ADAMTS17: variants seen among roughly 807,000 people sequenced by gnomAD.
The protein encoded by ADAMTS17 is A disintegrin and metalloproteinase with thrombospondin motifs 17.
In ADAMTS17, 113 loss-of-function variants were observed where a neutral mutation model predicts 141.5. The ratio of observed to expected loss-of-function variants is 0.80; its 90% CI spans 0.69 to 0.93. The LOEUF is 0.93. ADAMTS17 is among the 40% of genes least tolerant of loss of function. The probability of loss-of-function intolerance (pLI) is 0.00; values close to 1 mark genes in which losing one functional copy is unlikely to be tolerated. For synonymous variants in ADAMTS17, 768 were observed against 630.6 expected (o/e 1.22, Z -3.27); for missense variants, 1,659 against 1,517.9 (o/e 1.09, Z -1.54).
intron 12 of ADAMTS17, among the ~76,000 whole-genome samples, chr15:100,123,357 T>A (rs2037549702): frequency 6.6e-6 from 1 of 151,964 alleles, no homozygotes; most frequent in Admixed American, 6.5e-5. Flanking sequence ...TAAAGAACAG[T>A]TAATATAAGA....
intron 20 of ADAMTS17, 48 bp downstream of exon 20, chr15:99,993,000 G>T: frequency 1.2e-6 from 2 of 1,611,572 alleles, no homozygotes; most frequent in Non-Finnish European, 1.7e-6. Context: ...CGACCCTCGA[G>T]CCCCCTGCAC....
At chr15:100,110,995 G>C (rs908463780) in intron 13 of ADAMTS17, among the ~76,000 whole-genome samples, 2 of 152,184 alleles carry the variant, frequency 1.3e-5, no homozygotes, top group Admixed American at 1.3e-4. Flanking sequence ...GTCTTACAGC[G>C]CTGGAAAGAA....
At position 100,292,257 on chromosome 15, in the gene ADAMTS17, T is replaced by C. The variant is rs118119877; in HGVS notation, c.617-10856A>G. On this transcript the variant is annotated intron_variant, in intron 3 of 21. Coordinates refer to ENST00000268070, the MANE Select transcript of ADAMTS17 (RefSeq NM_139057.4). ...GAGACGCTCACCCCGTGAGAAACTA[T>C]GAGAGACGCTCAGCCCGTGAGAATC... is the stretch of plus-strand genomic sequence containing the variant. Among the ~76,000 whole-genome samples, 528 of 131,516 alleles carry C rather than the reference T, an allele frequency of 4.0e-3. 3 individuals carry two copies. Among genetic ancestry groups the C allele is most frequent in the East Asian group, 0.013 (51 of 3,900 alleles). 86.3% of individuals were successfully genotyped at this position (131,516 alleles called of 152,430 possible).
chr15:100,182,503 A>G (rs888088811), intron 8 of ADAMTS17, among the ~76,000 whole-genome samples: 4 of 152,136 alleles, frequency 2.6e-5, no homozygotes, highest in African/African-American at 9.7e-5. Context: ...AAGCACAGAG[A>G]TTACCTCTCT....
At position 100,324,024 on chromosome 15, in the gene ADAMTS17, CAA is replaced by C. The variant is rs35999702; in HGVS notation, c.616+6863_616+6864del. 1.2e-3 allele frequency among the ~76,000 whole-genome samples: 156 copies of C among 133,080 alleles called. No individual in the cohort carries two copies. In the South Asian group the frequency reaches 0.021, roughly 18 times the overall value. The allele number at this position is 133,080 out of a possible 152,430, so 87.3% of individuals were successfully genotyped here. On this transcript the variant is annotated intron_variant, in intron 3 of 21. Transcript: ENST00000268070. The stretch of plus-strand genomic sequence containing the variant: ...CACATCCGTAAACGTTCCTTTCTCT[CAA>C]AAAAAAAAAAAAAAGAAGAAAGCAT...
chr15:100,102,624 G>C (rs2036185560), intron 14 of ADAMTS17, among the ~76,000 whole-genome samples: 1 of 152,172 alleles, frequency 6.6e-6, no homozygotes, highest in Non-Finnish European at 1.5e-5. Context: ...GACTGAAAGG[G>C]ATCCACATTT....
At chr15:100,115,751 T>C (rs564862138) in intron 13 of ADAMTS17, among the ~76,000 whole-genome samples, 43 of 152,322 alleles carry the variant, frequency 2.8e-4, no homozygotes, top group Admixed American at 2.8e-3. Context: ...ACTTCATTCT[T>C]CTGCAAAACA....
At chr15:100,062,725 C>A (rs1030220935) in intron 15 of ADAMTS17, among the ~76,000 whole-genome samples, 1 of 152,178 alleles carries the variant, frequency 6.6e-6, no homozygotes, top group Non-Finnish European at 1.5e-5. Context: ...CTTACTTTTT[C>A]TTTCTTCAGT....
intron 18 of ADAMTS17, among the ~76,000 whole-genome samples, chr15:100,012,239 T>C (rs528370648): frequency 6.6e-6 from 1 of 152,320 alleles, no homozygotes; most frequent in African/African-American, 2.4e-5. Flanking sequence ...TTTGATGCAA[T>C]TGTTTTTATT....
chr15:100,199,278 G>T (rs780399528), intron 8 of ADAMTS17, 40 bp downstream of exon 8: 1 of 1,557,542 alleles, frequency 6.4e-7, no homozygotes, highest in Non-Finnish European at 8.9e-7. Context: ...ACTCAAAAAG[G>T]ACTGAAAGAA....
intron 7 of ADAMTS17, among the ~76,000 whole-genome samples, chr15:100,231,364 T>C (rs532058821): frequency 6.6e-6 from 1 of 152,312 alleles, no homozygotes; most frequent in African/African-American, 2.4e-5. Context: ...TCTCATTTCA[T>C]TAAAGACAAT....
chr15:100,308,404 C>T lies in ADAMTS17; in HGVS notation c.616+22485G>A, dbSNP rs1403157708. 2.0e-5 allele frequency among the ~76,000 whole-genome samples: 3 copies of T among 152,188 alleles called. No homozygotes were observed. In the East Asian group the frequency reaches 5.8e-4, roughly 29 times the overall value. On this transcript the variant is annotated intron_variant, in intron 3 of 21. Transcript: ENST00000268070. ...CCAAAGATAAAGCAAGCAGGGAACA[C>T]CATCGTTCACTCGCTGGTAGAATCC...
At chr15:100,254,281 T>A in intron 6 of ADAMTS17, 102 bp from the exon 7 acceptor site, 1 of 1,083,766 alleles carries the variant, frequency 9.2e-7, no homozygotes. Context: ...GCAATGTTAT[T>A]TTTCCAGTGG....
chr15:99,997,597 A>G lies in ADAMTS17; in HGVS notation c.2592-8T>C, dbSNP rs776124364. 7 of 1,611,258 alleles carry G rather than the reference A, an allele frequency of 4.3e-6. No homozygotes were observed. In the South Asian group the frequency reaches 7.7e-5, roughly 18 times the overall value. On this transcript the variant is annotated splice_region_variant and splice_polypyrimidine_tract_variant and intron_variant, in intron 18 of 21. Coordinates refer to ENST00000268070, the MANE Select transcript of ADAMTS17 (RefSeq NM_139057.4). The surrounding 1 kb of genome is among the most constrained non-coding windows in gnomAD (Gnocchi z 4.7). ...CACGGGCCTGCCACCCACCTGCCAG[A>G]CGGGAGGAAAGAGAGAGAGAACGAC... is the stretch of plus-strand genomic sequence containing the variant.
At chr15:100,113,023 T>A (rs886752270) in intron 13 of ADAMTS17, among the ~76,000 whole-genome samples, 1 of 152,122 alleles carries the variant, frequency 6.6e-6, no homozygotes, top group African/African-American at 2.4e-5. Flanking sequence ...TCATCCAAGT[T>A]CTCCCTGGTC....
chr15:100,145,894 C>T (rs1217072420), intron 10 of ADAMTS17, among the ~76,000 whole-genome samples: 7 of 152,262 alleles, frequency 4.6e-5, no homozygotes, highest in South Asian at 2.1e-4. Context: ...TATTCCAGGC[C>T]GGGTACAGTG....
rs368597566 is a variant in ADAMTS17, at chr15:99,986,697, G to C, written c.2949+6351C>G. Among the ~76,000 whole-genome samples the C allele has an allele frequency of 1.6e-4, 24 of 152,162 alleles. No homozygotes were observed. In the East Asian group the frequency reaches 2.9e-3, roughly 18 times the overall value. ...TCCCTCCAGAATGTGTTTTTCATTG[G>C]AAACATCCCATCATTTCAGTGGTGA... On this transcript the variant is annotated intron_variant, in intron 20 of 21. Transcript: ENST00000268070.
chr15:100,084,969 A>C (rs753299993), intron 15 of ADAMTS17, among the ~76,000 whole-genome samples: 1 of 152,232 alleles, frequency 6.6e-6, no homozygotes, highest in Non-Finnish European at 1.5e-5. Flanking sequence ...GCTCCTCACC[A>C]GCAATGGAAC....
intron 10 of ADAMTS17, among the ~76,000 whole-genome samples, chr15:100,143,479 A>G (rs1288748972): frequency 6.6e-6 from 1 of 152,254 alleles, no homozygotes; most frequent in Non-Finnish European, 1.5e-5. Flanking sequence ...TCCAATGTTT[A>G]TAACTTTATG....
Sources: gnomAD v4.1 joint callset for allele counts (sites outside exome capture counted in the v4.1 genomes callset) on GRCh38, gnomAD v4.1.1 for gene constraint, Gnocchi (gnomAD v3.1) non-coding constraint, MANE v1.5 for transcripts, NCBI Gene and HGNC (gene_info 2026-07-23, HGNC 2026-07-21) for gene names.